BBIP1: variants seen among roughly 807,000 people sequenced by gnomAD.
BBIP1 encodes the protein BBSome interacting protein 1, also known as BBSome-interacting protein 1.
BBIP1 carries 6 observed loss-of-function variants against 8.9 expected under a neutral mutation model. The ratio of observed to expected loss-of-function variants is 0.67; its 90% CI spans 0.37 to 1.33. The LOEUF is 1.33. Among genes scored for constraint, BBIP1 ranks in the 40% most tolerant of loss-of-function variants. The probability of loss-of-function intolerance (pLI) is 0.02; values close to 1 mark genes in which losing one functional copy is unlikely to be tolerated. For missense variants in BBIP1, 111 were observed against 109.2 expected, an observed-to-expected ratio of 1.02 and a Z score of -0.07; for synonymous variants, 32 against 33.4, an observed-to-expected ratio of 0.96 and a Z score of 0.14.
At chr10:110,901,032 T>A (rs1383775789) in intron 3 of BBIP1, 6 of 394,460 alleles carry the variant, frequency 1.5e-5, no homozygotes, top group African/African-American at 6.3e-5. Context: ...TTACCTGTTA[T>A]CCCAGCACTT....
intron 2 of BBIP1, chr10:110,911,861 T>G (rs1846285248): frequency 6.6e-6 from 1 of 152,060 alleles, no homozygotes; most frequent in South Asian, 2.1e-4. Context: ...AATATCAACA[T>G]TTAAGAAGAT....
rs185811679 is a variant in BBIP1 at position 110,901,221 on chromosome 10, G to A, written c.112+317C>T. 4.8e-4 allele frequency: 197 copies of A among 408,180 alleles called. 1 individual carries two copies. The Admixed American group carries it at 6.1e-3, about 13-fold the overall frequency. 25.3% of individuals were successfully genotyped at this position (408,180 alleles called of 1,614,324 possible). A position where few individuals can be genotyped will look rare whatever the true frequency, so the allele number is the denominator to read the frequency against. On this transcript the variant is annotated intron_variant, in intron 3 of 3. Transcript: ENST00000448814. ...CAGGAGCCCAGTAGTTCAAGGCTGC[G>A]GTGAGCTACGGTTGTGCCAGCTGTA...
At chr10:110,900,852 A>G (rs1034795692) in intron 3 of BBIP1, 3 of 250,676 alleles carry the variant, frequency 1.2e-5, no homozygotes, top group Non-Finnish European at 2.3e-5. Context: ...AAAAAAATAT[A>G]GCAAAATATG....
At chr10:110,909,466 T>A (rs1487391488) in intron 2 of BBIP1, among the ~76,000 whole-genome samples, 1 of 152,228 alleles carries the variant, frequency 6.6e-6, no homozygotes, top group East Asian at 1.9e-4. Flanking sequence ...AGTGCTGGGA[T>A]TACAGGCATG....
At chr10:110,909,185 T>C (rs983177609) in intron 2 of BBIP1, among the ~76,000 whole-genome samples, 1 of 148,976 alleles carries the variant, frequency 6.7e-6, no homozygotes, top group Non-Finnish European at 1.5e-5. Context: ...TTATATAATT[T>C]TGTTATGAAA....
intron 2 of BBIP1, among the ~76,000 whole-genome samples, chr10:110,908,654 AC>A (rs1344561074): frequency 6.6e-6 from 1 of 152,168 alleles, no homozygotes; most frequent in East Asian, 1.9e-4. Flanking sequence ...TGCCATGGGA[AC>A]ACAGAATAGG....
At chr10:110,903,817 T>C (rs529367253) in intron 2 of BBIP1, 1 of 152,368 alleles carries the variant, frequency 6.6e-6, no homozygotes, top group South Asian at 2.1e-4. Context: ...TATAAACTTG[T>C]ACATGTTACT....
At chr10:110,907,401 G>A (rs563637159) in intron 2 of BBIP1, 1 of 223,234 alleles carries the variant, frequency 4.5e-6, no homozygotes, top group Non-Finnish European at 8.7e-6. Context: ...GTTAGTCTCA[G>A]CTACTCGGGA....
Position 110,918,052 on chromosome 10 carries a change from A to AT in BBIP1, c.37+68dup, listed in dbSNP as rs1406734435. On this transcript the variant is annotated intron_variant, in intron 2 of 3. Coordinates refer to ENST00000448814, the MANE Select transcript of BBIP1 (RefSeq NM_001195305.3). ...GCGTGTAAGTACTAAGGAAGCAGAA[A>AT]TTAAGTCGAGAAGGTAGGTTTGCAT... The AT allele has an allele frequency of 2.2e-6, 3 of 1,374,906 alleles. No individual in the cohort carries two copies. In the African/African-American group the frequency reaches 4.3e-5, roughly 20 times the overall value. 85.2% of individuals were successfully genotyped at this position (1,374,906 alleles called of 1,614,324 possible). A position where few individuals can be genotyped will look rare whatever the true frequency, so the allele number is the denominator to read the frequency against.
chr10:110,915,044 C>A (rs567563981), intron 2 of BBIP1, among the ~76,000 whole-genome samples: 1 of 152,234 alleles, frequency 6.6e-6, no homozygotes, highest in Non-Finnish European at 1.5e-5. Flanking sequence ...TTACAGAGTG[C>A]TGCTTAAAGC....
rs1278505215 is a variant in BBIP1 at position 110,899,284 on chromosome 10, T to TTAGA, written c.*1072_*1075dup. The TTAGA allele has an allele frequency of 6.6e-6, 1 of 152,192 alleles. No individual in the cohort carries two copies. Among genetic ancestry groups the TTAGA allele is most frequent in the Admixed American group, 6.5e-5 (1 of 15,280 alleles). 9.4% of individuals were successfully genotyped at this position (152,192 alleles called of 1,614,324 possible). A position where few individuals can be genotyped will look rare whatever the true frequency, so the allele number is the denominator to read the frequency against. Reference sequence around the variant, plus strand: ...TGTTAGGAGTATACTGCTTACAGGTTTAGATATAGTCTGTTAGAATTAAAA... The same window carrying TTAGA: ...TGTTAGGAGTATACTGCTTACAGGTTTAGATAGATATAGTCTGTTAGAATTAAAA... On this transcript the variant is annotated 3_prime_UTR_variant, in exon 4 of 4. Transcript: ENST00000448814.
At chr10:110,909,176 T>A (rs1285014452) in intron 2 of BBIP1, among the ~76,000 whole-genome samples, 1 of 151,298 alleles carries the variant, frequency 6.6e-6, no homozygotes, top group Admixed American at 6.6e-5. Flanking sequence ...GACTAAGATT[T>A]ATATAATTTT....
rs1564689387 is a variant in BBIP1, at chr10:110,900,535, A to T, written c.113-9T>A. The stretch of plus-strand genomic sequence containing the variant: ...TTCCACAAACAGTGGCCCTAAGTTT[A>T]ACAAGAAATAAGAATTAATTCAAGA... On this transcript the variant is annotated splice_polypyrimidine_tract_variant and intron_variant, in intron 3 of 3. Coordinates refer to ENST00000448814, the MANE Select transcript of BBIP1 (RefSeq NM_001195305.3). The T allele has an allele frequency of 6.6e-7, 1 of 1,508,960 alleles. No homozygotes were observed. 93.5% of individuals were successfully genotyped at this position (1,508,960 alleles called of 1,614,324 possible).
intron 2 of BBIP1, chr10:110,907,536 G>T: frequency 1.3e-5 from 6 of 454,580 alleles, no homozygotes; most frequent in African/African-American, 2.1e-5. Flanking sequence ...AAAAAGAAAA[G>T]AAAAGAAAGA....
At chr10:110,903,606 C>T (rs1846059194) in intron 2 of BBIP1, 1 of 152,222 alleles carries the variant, frequency 6.6e-6, no homozygotes, top group Non-Finnish European at 1.5e-5. Flanking sequence ...CCTGGGAGTC[C>T]AGAGTAGGAA....
intron 2 of BBIP1, chr10:110,907,684 C>T (rs1447677933): frequency 2.9e-6 from 2 of 682,016 alleles, no homozygotes; most frequent in African/African-American, 1.8e-5. Flanking sequence ...CTTAACCTCG[C>T]TTGCTTGTAT....
chr10:110,909,206 T>A, intron 2 of BBIP1, among the ~76,000 whole-genome samples: 1 of 74,822 alleles, frequency 1.3e-5, no homozygotes, highest in South Asian at 4.2e-4. Context: ...AAGTTGGCCT[T>A]TTTTTTTTTT....
intron 2 of BBIP1, among the ~76,000 whole-genome samples, chr10:110,909,227 C>G (rs1846214811): frequency 1.3e-5 from 2 of 151,360 alleles, no homozygotes; most frequent in South Asian, 4.2e-4. Flanking sequence ...GAGACGGAGT[C>G]TTGCTCTGGC....
At chr10:110,900,832 T>G in intron 3 of BBIP1, 1 of 288,626 alleles carries the variant, frequency 3.5e-6, no homozygotes. Flanking sequence ...AATATATATA[T>G]ACATAGTGCA....
Sources: gnomAD v4.1 joint callset for allele counts (sites outside exome capture counted in the v4.1 genomes callset) on GRCh38, gnomAD v4.1.1 for gene constraint, MANE v1.5 for transcripts, NCBI Gene and HGNC (gene_info 2026-07-23, HGNC 2026-07-21) for gene names.